Variants in ROBO2 observed in about 807,000 individuals in gnomAD.
ROBO2 encodes the protein roundabout guidance receptor 2.
ROBO2 carries 53 observed loss-of-function variants against 160.8 expected under a neutral mutation model. The ratio of observed to expected loss-of-function variants is 0.33; its 90% CI spans 0.26 to 0.41. The LOEUF (loss-of-function observed/expected upper bound fraction) is 0.41. ROBO2 is among the 10% of genes least tolerant of loss of function. The probability of loss-of-function intolerance (pLI) is 1.00; values close to 1 mark genes in which losing one functional copy is unlikely to be tolerated. For synonymous variants in ROBO2, 664 were observed against 611.7 expected, an observed-to-expected ratio of 1.09 and a Z score of -1.26; for missense variants, 1,577 against 1,722.4, an observed-to-expected ratio of 0.92 and a Z score of 1.49.
chr3:76,293,820 C>T (rs1708929606), intron 2 of ROBO2, among the ~76,000 whole-genome samples: 1 of 152,184 alleles, frequency 6.6e-6, no homozygotes. Flanking sequence ...TCTATTGTCC[C>T]AAGTTTTTGT....
In ROBO2 at chr3:76,816,456, A is replaced by C. The variant is rs1057072284; in HGVS notation, c.110-281558A>C. On this transcript the variant is annotated intron_variant, in intron 2 of 26. Coordinates refer to the ROBO2 transcript ENST00000487694. ...TCAAGAGAGCCAAAGCGTGTGATTCAGAGTGTAGCAGTGGCCATAATTGCT... is the reference window on the plus strand; with the variant it reads ...TCAAGAGAGCCAAAGCGTGTGATTCCGAGTGTAGCAGTGGCCATAATTGCT... Among the ~76,000 whole-genome samples the C allele has an allele frequency of 2.6e-5, 4 of 152,096 alleles. No individual in the cohort carries two copies. The East Asian group carries it at 7.7e-4, about 29-fold the overall frequency.
At chr3:77,239,386 A>G (rs1231467110) in intron 2 of ROBO2, among the ~76,000 whole-genome samples, 3 of 152,120 alleles carry the variant, frequency 2.0e-5, no homozygotes, top group African/African-American at 7.2e-5. Flanking sequence ...TCAGGAGTGA[A>G]GCTGCAGACC....
At chr3:77,199,147 G>T (rs1196948568) in intron 2 of ROBO2, among the ~76,000 whole-genome samples, 1 of 152,138 alleles carries the variant, frequency 6.6e-6, no homozygotes, top group Non-Finnish European at 1.5e-5. Flanking sequence ...TGCTCCTCTG[G>T]TGAAAGATAT....
intron 2 of ROBO2, among the ~76,000 whole-genome samples, chr3:76,502,818 G>C (rs922723791): frequency 6.6e-6 from 1 of 151,840 alleles, no homozygotes; most frequent in African/African-American, 2.4e-5. Flanking sequence ...TTTTAAACAA[G>C]AGAAAAAAAC....
At chr3:77,330,261 T>A in intron 2 of ROBO2, among the ~76,000 whole-genome samples, 1 of 152,230 alleles carries the variant, frequency 6.6e-6, no homozygotes, top group Non-Finnish European at 1.5e-5. Flanking sequence ...CTCATGCCTG[T>A]AATCCCAGCA....
intron 2 of ROBO2, among the ~76,000 whole-genome samples, chr3:76,134,014 T>C (rs1298950229): frequency 6.6e-6 from 1 of 152,164 alleles, no homozygotes; most frequent in East Asian, 1.9e-4. Context: ...TTTATCTCAC[T>C]GTCCTTTATT....
intron 2 of ROBO2, among the ~76,000 whole-genome samples, chr3:76,700,868 AT>A (rs1423595999): frequency 1.3e-4 from 20 of 152,136 alleles, no homozygotes; most frequent in African/African-American, 4.8e-4. Flanking sequence ...GTAATAATAC[AT>A]TTTCATAGTC....
chr3:76,215,992 T>TG (rs1430448799), intron 2 of ROBO2, among the ~76,000 whole-genome samples: 1 of 151,916 alleles, frequency 6.6e-6, no homozygotes, highest in Non-Finnish European at 1.5e-5. Context: ...CAGAAGAGAG[T>TG]GGGGGTCAAT....
chr3:76,936,295 A>G (rs2077696850), intron 2 of ROBO2, among the ~76,000 whole-genome samples: 1 of 152,158 alleles, frequency 6.6e-6, no homozygotes, highest in Non-Finnish European at 1.5e-5. Flanking sequence ...TAATGTGAAG[A>G]TCTATATCAA....
intron 2 of ROBO2, among the ~76,000 whole-genome samples, chr3:76,854,052 C>A (rs868234781): frequency 2.2e-5 from 2 of 90,280 alleles, no homozygotes; most frequent in South Asian, 3.9e-4. Flanking sequence ...CTCTCTCTCT[C>A]TCTCTCTCTC....
chr3:77,391,046 A>G (rs2074672542), intron 2 of ROBO2, among the ~76,000 whole-genome samples: 1 of 152,010 alleles, frequency 6.6e-6, no homozygotes, highest in African/African-American at 2.4e-5. Flanking sequence ...AGTTCACTGC[A>G]TCCCCCTCAA....
intron 13 of ROBO2, among the ~76,000 whole-genome samples, chr3:77,568,672 C>T (rs911557688): frequency 1.1e-4 from 17 of 151,994 alleles, no homozygotes; most frequent in African/African-American, 3.9e-4. Context: ...AGCTTTCTTG[C>T]GATATAATTA....
chr3:77,182,593 G>A (rs1204830269), intron 2 of ROBO2, among the ~76,000 whole-genome samples: 1 of 152,044 alleles, frequency 6.6e-6, no homozygotes, highest in Non-Finnish European at 1.5e-5. Context: ...GCCAAAGAGA[G>A]CTGCCAACCT....
chr3:77,155,165 G>C (rs2077895447), intron 2 of ROBO2, among the ~76,000 whole-genome samples: 1 of 152,072 alleles, frequency 6.6e-6, no homozygotes, highest in African/African-American at 2.4e-5. Flanking sequence ...TATATAGGAA[G>C]GCAGGATAAT....
chr3:76,881,382 G>A (rs890654464), intron 2 of ROBO2, among the ~76,000 whole-genome samples: 2 of 152,172 alleles, frequency 1.3e-5, no homozygotes, highest in Non-Finnish European at 2.9e-5. Flanking sequence ...GTGGAAATGT[G>A]CAGGGTCCTT....
chr3:77,529,660 C>T (rs1380252171), intron 6 of ROBO2, among the ~76,000 whole-genome samples: 2 of 151,688 alleles, frequency 1.3e-5, no homozygotes, highest in African/African-American at 4.8e-5. Flanking sequence ...AAGATGTTTC[C>T]AAAGTTATTT....
chr3:76,865,651 A>G (rs1231175972), intron 2 of ROBO2, among the ~76,000 whole-genome samples: 1 of 152,134 alleles, frequency 6.6e-6, no homozygotes, highest in Non-Finnish European at 1.5e-5. Context: ...AGATTACCAA[A>G]TAAATGTCAT....
chr3:76,242,013 G>A (rs1292108038), intron 2 of ROBO2, among the ~76,000 whole-genome samples: 1 of 152,140 alleles, frequency 6.6e-6, no homozygotes, highest in African/African-American at 2.4e-5. Context: ...CAAGGAAAGT[G>A]CTGATTACCA....
At chr3:77,245,064 T>G (rs867077616) in intron 2 of ROBO2, among the ~76,000 whole-genome samples, 1 of 152,108 alleles carries the variant, frequency 6.6e-6, no homozygotes, top group East Asian at 1.9e-4. Context: ...TGGCTAAAAG[T>G]AAAATGAACC....
Sources: gnomAD v4.1 joint callset for allele counts (sites outside exome capture counted in the v4.1 genomes callset) on GRCh38, gnomAD v4.1.1 for gene constraint, MANE v1.5 for transcripts, NCBI Gene and HGNC (gene_info 2026-07-23, HGNC 2026-07-21) for gene names.